The following CSMD1 variants were observed in gnomAD, a reference collection of about 807,000 sequenced individuals.
CSMD1 encodes CUB and sushi domain-containing protein 1.
CSMD1 carries 213 observed loss-of-function variants against 417.5 expected under a neutral mutation model. That is an observed-to-expected ratio of 0.51 (90% CI 0.46 to 0.57). The LOEUF (loss-of-function observed/expected upper bound fraction) is 0.57. Among genes scored for constraint, CSMD1 ranks in the 20% least tolerant of loss-of-function variants. CSMD1 has a pLI of 0.00. For missense variants in CSMD1, 6,923 were observed against 4,529.7 expected, an observed-to-expected ratio of 1.53 and a Z score of -15.17; for synonymous variants, 2,862 against 1,736.8, an observed-to-expected ratio of 1.65 and a Z score of -16.11.
rs977143899 is a variant in CSMD1, at chr8:3,211,044, T to A, written c.4867+3453A>T. Among the ~76,000 whole-genome samples the A allele has an allele frequency of 2.0e-5, 3 of 152,092 alleles. No homozygotes were observed. In the East Asian group the frequency reaches 5.8e-4, roughly 29 times the overall value. The stretch of plus-strand genomic sequence containing the variant: ...AGAAAATTAGAATTTTTACCCAAAA[T>A]TACATCTTTTGTTTTCTTGAGATAA... On this transcript the variant is annotated intron_variant, in intron 30 of 69. Transcript: ENST00000635120.
chr8:4,604,570 A>T (rs539791767), intron 2 of CSMD1, among the ~76,000 whole-genome samples: 1 of 152,054 alleles, frequency 6.6e-6, no homozygotes, highest in East Asian at 1.9e-4. Context: ...TAAATCTCTA[A>T]TTTGTCAACA....
intron 3 of CSMD1, among the ~76,000 whole-genome samples, chr8:4,227,233 TC>T (rs1433787869): frequency 6.6e-6 from 1 of 152,138 alleles, no homozygotes; most frequent in Non-Finnish European, 1.5e-5. Context: ...CCGATGAGAA[TC>T]ATTAACCTCA....
At chr8:4,166,429 T>G (rs1797460435) in intron 3 of CSMD1, among the ~76,000 whole-genome samples, 1 of 152,168 alleles carries the variant, frequency 6.6e-6, no homozygotes, top group African/African-American at 2.4e-5. Context: ...ATAATAGCCA[T>G]AACATAGAAT....
intron 5 of CSMD1, among the ~76,000 whole-genome samples, chr8:3,962,018 A>T (rs1237419532): frequency 1.3e-5 from 2 of 152,164 alleles, no homozygotes; most frequent in African/African-American, 2.4e-5. Context: ...TGCTTGTGTC[A>T]TCTTATTTCC....
At chr8:4,270,986 G>C (rs769742848) in intron 3 of CSMD1, among the ~76,000 whole-genome samples, 2 of 152,308 alleles carry the variant, frequency 1.3e-5, no homozygotes, top group Admixed American at 6.5e-5. Context: ...TCTTTACTGA[G>C]ATTGCATTTT....
At chr8:3,966,580 G>C (rs1023569574) in intron 5 of CSMD1, among the ~76,000 whole-genome samples, 1 of 151,924 alleles carries the variant, frequency 6.6e-6, no homozygotes, top group African/African-American at 2.4e-5. Flanking sequence ...TGTAAACATT[G>C]GTTTGCAGTT....
At chr8:3,249,599 T>TAC (rs36055410) in intron 26 of CSMD1, among the ~76,000 whole-genome samples, 13,756 of 152,068 alleles carry the variant, frequency 0.09, 840 homozygotes, top group Non-Finnish European at 0.13. Context: ...ATCGTATAAA[T>TAC]ACACACACAC....
intron 64 of CSMD1, among the ~76,000 whole-genome samples, chr8:2,954,541 G>C (rs1182787123): frequency 6.6e-6 from 1 of 152,076 alleles, no homozygotes; most frequent in Non-Finnish European, 1.5e-5. Flanking sequence ...TTGCAAAGGA[G>C]GGTGCCTTCT....
chr8:2,943,766 G>A (rs1395595461), intron 68 of CSMD1, among the ~76,000 whole-genome samples: 1 of 152,184 alleles, frequency 6.6e-6, no homozygotes, highest in Non-Finnish European at 1.5e-5. Context: ...ATTGCATGGA[G>A]TCACTTAATG....
chr8:4,830,922 C>G (rs999777689), intron 1 of CSMD1, among the ~76,000 whole-genome samples: 6 of 152,222 alleles, frequency 3.9e-5, no homozygotes, highest in African/African-American at 1.4e-4. Flanking sequence ...CAGTGAACTT[C>G]CTTATGTTAC....
intron 8 of CSMD1, among the ~76,000 whole-genome samples, chr8:3,612,069 A>T (rs1420720637): frequency 6.6e-6 from 1 of 152,112 alleles, no homozygotes; most frequent in Non-Finnish European, 1.5e-5. Flanking sequence ...AATTAAAACA[A>T]TGTTGTGCAA....
chr8:4,140,670 T>A (rs13269087), intron 3 of CSMD1, among the ~76,000 whole-genome samples: 1 of 150,282 alleles, frequency 6.7e-6, no homozygotes, highest in South Asian at 2.1e-4. Context: ...CCTGTCTCAA[T>A]TAAAAATAAT....
At chr8:4,906,863 T>C (rs765786057) in intron 1 of CSMD1, among the ~76,000 whole-genome samples, 16 of 152,122 alleles carry the variant, frequency 1.1e-4, no homozygotes, top group Admixed American at 4.6e-4. Context: ...CGGCCTTGAG[T>C]TTCTTTTTTC....
At chr8:3,112,117 G>A (rs983930904) in intron 42 of CSMD1, among the ~76,000 whole-genome samples, 1 of 151,762 alleles carries the variant, frequency 6.6e-6, no homozygotes, top group African/African-American at 2.4e-5. Context: ...GACAGGGTCT[G>A]CATCTCCTCC....
chr8:3,275,785 C>T (rs1223036391), intron 26 of CSMD1, among the ~76,000 whole-genome samples: 8 of 152,260 alleles, frequency 5.3e-5, no homozygotes, highest in Middle Eastern at 6.8e-3. Context: ...TCCATCAGCT[C>T]CTTTAAGCAC....
chr8:4,384,803 G>A (rs370581957), intron 3 of CSMD1, among the ~76,000 whole-genome samples: 2 of 152,158 alleles, frequency 1.3e-5, no homozygotes, highest in African/African-American at 4.8e-5. Flanking sequence ...CAGTCCTACA[G>A]AACATCAAAA....
At chr8:4,165,585 T>G (rs908461702) in intron 3 of CSMD1, among the ~76,000 whole-genome samples, 4 of 152,184 alleles carry the variant, frequency 2.6e-5, no homozygotes, top group Non-Finnish European at 5.9e-5. Flanking sequence ...AAGTTATTTG[T>G]AGAGACATGG....
chr8:3,716,450 T>G (rs1801836832), intron 6 of CSMD1, among the ~76,000 whole-genome samples: 1 of 152,226 alleles, frequency 6.6e-6, no homozygotes. Context: ...ATGCCTCCCT[T>G]TTTTAGACCA....
intron 2 of CSMD1, among the ~76,000 whole-genome samples, chr8:4,446,761 G>GTGTGTGTGTGTGTGTGTC (rs1798830424): frequency 7.2e-5 from 5 of 69,014 alleles, no homozygotes; most frequent in African/African-American, 4.3e-4. Flanking sequence ...GTGTCTGTGT[G>GTGTGTGTGTGTGTGTGTC]TGTGTGTGTG....
Sources: allele counts gnomAD v4.1 joint callset (sites outside exome capture counted in the v4.1 genomes callset), GRCh38; gene constraint gnomAD v4.1.1; transcripts MANE v1.5; gene names NCBI Gene and HGNC (gene_info 2026-07-23, HGNC 2026-07-21).